The following UBE3C variants were observed in gnomAD, a reference collection of about 807,000 sequenced individuals.
The protein encoded by UBE3C is ubiquitin-protein ligase E3C.
In UBE3C, 42 loss-of-function variants were observed where a neutral mutation model predicts 129.4. The ratio of observed to expected loss-of-function variants is 0.32; its 90% CI spans 0.25 to 0.42. UBE3C has a LOEUF of 0.42. Ranked by LOEUF, UBE3C falls within the 10% of genes least tolerant of loss-of-function variation. UBE3C has a pLI of 1.00. For missense variants in UBE3C, 1,049 were observed against 1,319.1 expected, an observed-to-expected ratio of 0.80 and a Z score of 3.17; for synonymous variants, 510 against 492.4, an observed-to-expected ratio of 1.04 and a Z score of -0.47.
At chr7:157,151,686 C>A (rs1807760900) in intron 1 of UBE3C, among the ~76,000 whole-genome samples, 1 of 152,130 alleles carries the variant, frequency 6.6e-6, no homozygotes, top group African/African-American at 2.4e-5. Flanking sequence ...TGTAACAATG[C>A]AAATTCACTG....
chr7:157,208,142 A>G (rs976164317), intron 13 of UBE3C, among the ~76,000 whole-genome samples: 3 of 135,946 alleles, frequency 2.2e-5, no homozygotes, highest in African/African-American at 5.2e-5. Flanking sequence ...TGACACCATC[A>G]TACTCCACTG....
chr7:157,216,353 T>G (rs554823034), intron 13 of UBE3C, among the ~76,000 whole-genome samples: 9 of 111,418 alleles, frequency 8.1e-5, no homozygotes, highest in African/African-American at 4.9e-4. Context: ...GATTCGTGGG[T>G]TTTTTTTTTT....
At position 157,192,892 on chromosome 7, in the gene UBE3C, A is replaced by T. The variant is rs945565010; in HGVS notation, c.1331+5871A>T. Reference sequence around the variant, plus strand: ...AAAAAAAAAAAGAAGGGATTATCAAAGAAGACATTTGAGGTAGTGAATGCC... The same window carrying T: ...AAAAAAAAAAAGAAGGGATTATCAATGAAGACATTTGAGGTAGTGAATGCC... On this transcript the variant is annotated intron_variant, in intron 10 of 22. Transcript: ENST00000348165. 18 of 816,088 alleles carry T rather than the reference A, an allele frequency of 2.2e-5. No individual in the cohort carries two copies. In the Admixed American group the frequency reaches 2.3e-4, roughly 11 times the overall value. The allele number at this position is 816,088 out of a possible 1,614,324, so 50.6% of individuals were successfully genotyped here.
At chr7:157,179,204 G>A (rs1808605154) in intron 6 of UBE3C, among the ~76,000 whole-genome samples, 1 of 151,888 alleles carries the variant, frequency 6.6e-6, no homozygotes, top group Non-Finnish European at 1.5e-5. Flanking sequence ...CCACCTCCTG[G>A]TCATTCTGAG....
chr7:157,160,069 CT>C (rs953257266), intron 1 of UBE3C, among the ~76,000 whole-genome samples: 14 of 147,448 alleles, frequency 9.5e-5, no homozygotes, highest in Middle Eastern at 3.5e-3. Flanking sequence ...TCCGTAGTTA[CT>C]TTTTTTTTTC....
At chr7:157,174,876 A>G (rs775012941) in intron 4 of UBE3C, 43 bp from the exon 5 acceptor site, 41 of 1,477,584 alleles carry the variant, frequency 2.8e-5, no homozygotes, top group South Asian at 1.6e-4. Flanking sequence ...CAAACTATTA[A>G]ATTTTCATTG....
intron 10 of UBE3C, chr7:157,188,965 TG>T: frequency 1.5e-6 from 1 of 679,086 alleles, no homozygotes; most frequent in Non-Finnish European, 2.7e-6. Context: ...CAAATGAATG[TG>T]GAGACCTTTG....
rs528291555 is a variant in UBE3C at position 157,210,419 on chromosome 7, C to G, written c.1809+2484C>G. On this transcript the variant is annotated intron_variant, in intron 13 of 22. Coordinates refer to ENST00000348165, the MANE Select transcript of UBE3C (RefSeq NM_014671.3). ...GAGTAATCAGCTGCTGTTAGCTGTT[C>G]TTTTAAGAAAATACTATCTCTATTA... Among the ~76,000 whole-genome samples the G allele has an allele frequency of 4.6e-5, 7 of 152,110 alleles. 2 individuals carry two copies. Among genetic ancestry groups the G allele is most frequent in the Admixed American group, 4.6e-4 (7 of 15,272 alleles).
intron 10 of UBE3C, among the ~76,000 whole-genome samples, chr7:157,200,932 A>AC (rs1809261791): frequency 6.6e-6 from 1 of 152,184 alleles, no homozygotes; most frequent in Admixed American, 6.5e-5. Context: ...TCTTTAAGAT[A>AC]CATTTTTTTA....
At position 157,238,349 on chromosome 7, in the gene UBE3C, T is replaced by C. The variant is rs73743308; in HGVS notation, c.2481+7022T>C. 8.8e-3 allele frequency among the ~76,000 whole-genome samples: 1,341 copies of C among 152,006 alleles called. 16 individuals carry two copies. Among genetic ancestry groups the C allele is most frequent in the African/African-American group, 0.031 (1,282 of 41,476 alleles). On this transcript the variant is annotated intron_variant, in intron 18 of 22. Transcript: ENST00000348165. ...TTGGCTTTGGTGTAAGTAGCTAGCA[T>C]TGGTCAAGCACTCAAGCTGGGAGAC...
chr7:157,190,053 G>C (rs28446862), intron 10 of UBE3C, among the ~76,000 whole-genome samples: 5,000 of 152,286 alleles, frequency 0.033, 261 homozygotes, highest in African/African-American at 0.11. Context: ...TCCCGCCTCA[G>C]CTTTCCAAAG....
At chr7:157,255,050 C>T (rs1443756604) in intron 21 of UBE3C, among the ~76,000 whole-genome samples, 1 of 152,012 alleles carries the variant, frequency 6.6e-6, no homozygotes, top group African/African-American at 2.4e-5. Context: ...AGACGGAGGT[C>T]GTGAGATCTC....
chr7:157,178,580 T>G, intron 5 of UBE3C, 110 bp from the exon 6 acceptor site: 4 of 1,102,716 alleles, frequency 3.6e-6, no homozygotes, highest in Non-Finnish European at 1.3e-6. Context: ...TTTTCAGAGA[T>G]AATCTTGTAC....
At chr7:157,251,591 G>T (rs1467243310) in intron 19 of UBE3C, among the ~76,000 whole-genome samples, 1 of 152,302 alleles carries the variant, frequency 6.6e-6, no homozygotes, top group Non-Finnish European at 1.5e-5. Context: ...GTCATGTATG[G>T]TGGTGTCTTG....
At chr7:157,260,752 C>T (rs553219950) in intron 22 of UBE3C, among the ~76,000 whole-genome samples, 11 of 152,268 alleles carry the variant, frequency 7.2e-5, no homozygotes, top group Non-Finnish European at 1.5e-4. Flanking sequence ...CTGGAAGATG[C>T]AGAGACTTTT....
At chr7:157,168,830 T>C (rs1251702161) in intron 2 of UBE3C, among the ~76,000 whole-genome samples, 1 of 152,152 alleles carries the variant, frequency 6.6e-6, no homozygotes, top group East Asian at 1.9e-4. Context: ...GAGACGGGGC[T>C]TCTGGTTGTG....
chr7:157,202,907 A>G (rs1809330650), intron 11 of UBE3C, among the ~76,000 whole-genome samples: 1 of 152,168 alleles, frequency 6.6e-6, no homozygotes, highest in Non-Finnish European at 1.5e-5. Context: ...TAGGAACAAG[A>G]AGTTAGAAGA....
intron 18 of UBE3C, among the ~76,000 whole-genome samples, chr7:157,246,001 A>T (rs1563073079): frequency 6.6e-6 from 1 of 151,738 alleles, no homozygotes; most frequent in African/African-American, 2.4e-5. Context: ...TCAAAAAAAA[A>T]AAAAAAAAAA....
chr7:157,196,670 A>T (rs1809128374), intron 10 of UBE3C, among the ~76,000 whole-genome samples: 1 of 152,160 alleles, frequency 6.6e-6, no homozygotes, highest in East Asian at 1.9e-4. Context: ...TATCTTCTTA[A>T]GAATTGCTGA....
Sources: allele counts gnomAD v4.1 joint callset (sites outside exome capture counted in the v4.1 genomes callset), GRCh38; gene constraint gnomAD v4.1.1; transcripts MANE v1.5; gene names NCBI Gene and HGNC (gene_info 2026-07-23, HGNC 2026-07-21).